Variants in TSPAN33 observed in about 807,000 individuals in gnomAD.
TSPAN33 encodes tetraspanin-33.
A neutral mutation model predicts 34.8 loss-of-function variants in TSPAN33; 27 were observed. That is an observed-to-expected ratio of 0.78 (90% CI 0.57 to 1.07). The LOEUF (loss-of-function observed/expected upper bound fraction) is 1.07. Among genes scored for constraint, TSPAN33 ranks in the 50% least tolerant of loss-of-function variants. The pLI, the probability that TSPAN33 is intolerant of heterozygous loss-of-function variation, is 0.00. For missense variants in TSPAN33, 272 were observed against 324.9 expected, an observed-to-expected ratio of 0.84 and a Z score of 1.25; for synonymous variants, 119 against 124.2, an observed-to-expected ratio of 0.96 and a Z score of 0.28.
chr7:129,151,816 T>A (rs1408594329), intron 1 of TSPAN33, among the ~76,000 whole-genome samples: 1 of 152,184 alleles, frequency 6.6e-6, no homozygotes, highest in African/African-American at 2.4e-5. Context: ...ATTTAGAGTA[T>A]GCCTGCGTTG....
In TSPAN33 at chr7:129,149,284, G is replaced by A. The variant is rs1334759844; in HGVS notation, c.102+4202G>A. Reference sequence around the variant, plus strand: ...TAAAAAGGAAAAAAGAAGGCTGGGCGCGGTGGCTCATGCCTGTAATCCCAG... The same window carrying A: ...TAAAAAGGAAAAAAGAAGGCTGGGCACGGTGGCTCATGCCTGTAATCCCAG... On this transcript the variant is annotated intron_variant, in intron 1 of 7. Transcript: ENST00000486685. Among the ~76,000 whole-genome samples, 3 of 152,178 alleles carry A rather than the reference G, an allele frequency of 2.0e-5. No homozygotes were observed. In the East Asian group the frequency reaches 5.8e-4, roughly 29 times the overall value.
At chr7:129,154,632 T>C (rs1276090161) in intron 1 of TSPAN33, among the ~76,000 whole-genome samples, 2 of 152,132 alleles carry the variant, frequency 1.3e-5, no homozygotes, top group Non-Finnish European at 2.9e-5. Flanking sequence ...TCCCAGCTAC[T>C]TGGGAGGCTG....
intron 4 of TSPAN33, among the ~76,000 whole-genome samples, chr7:129,163,454 T>C (rs186293689): frequency 1.4e-4 from 21 of 151,632 alleles, no homozygotes; most frequent in Non-Finnish European, 2.4e-4. Flanking sequence ...CTCCTAAGTC[T>C]CTGGGATTAC....
intron 1 of TSPAN33, among the ~76,000 whole-genome samples, chr7:129,153,221 C>T (rs1258107260): frequency 6.6e-6 from 1 of 151,972 alleles, no homozygotes; most frequent in East Asian, 1.9e-4. Flanking sequence ...TTACCAGGGG[C>T]TGGGGGCGGA....
intron 1 of TSPAN33, among the ~76,000 whole-genome samples, chr7:129,152,790 G>C (rs925489009): frequency 3.3e-5 from 5 of 152,020 alleles, no homozygotes; most frequent in African/African-American, 1.2e-4. Context: ...GAACGCGGGT[G>C]GCTCACACCT....
chr7:129,157,417 A>C (rs936388441), intron 1 of TSPAN33, among the ~76,000 whole-genome samples: 1 of 152,130 alleles, frequency 6.6e-6, no homozygotes, highest in African/African-American at 2.4e-5. Context: ...GAAATGCAGA[A>C]TTTGAGAGCT....
intron 5 of TSPAN33, chr7:129,166,368 A>C (rs1793139466): frequency 1.3e-5 from 2 of 155,206 alleles, no homozygotes; most frequent in African/African-American, 4.8e-5. Flanking sequence ...CACAATATTG[A>C]AGATTCCTCC....
At position 129,167,716 on chromosome 7, in the gene TSPAN33, G is replaced by C. The variant is rs1793163503; in HGVS notation, c.751-57G>C. On this transcript the variant is annotated intron_variant, in intron 7 of 7. Transcript: ENST00000486685. The surrounding 1 kb of genome is among the most constrained non-coding windows in gnomAD (Gnocchi z 4.6). ...TGGCCGCACTGGGAAGATCGAGCCA[G>C]GGAAAACAAGGCCATCACTCACTGC... 2 of 1,596,090 alleles carry C rather than the reference G, an allele frequency of 1.3e-6. No homozygotes were observed. Among genetic ancestry groups the C allele is most frequent in the Admixed American group, 1.7e-5 (1 of 59,824 alleles).
intron 1 of TSPAN33, among the ~76,000 whole-genome samples, chr7:129,151,838 G>T (rs1332288946): frequency 6.6e-6 from 1 of 152,088 alleles, no homozygotes; most frequent in African/African-American, 2.4e-5. Context: ...TTTATGAAAC[G>T]CAGAGACATA....
rs60037093 is a variant in TSPAN33, at chr7:129,149,704, A to G, written c.102+4622A>G. ...TCCTCTTTCTTAACCTTGGAAGAAC[A>G]AAGCCAGCCGTGGCCTGAGGAAGAT... is the stretch of plus-strand genomic sequence containing the variant. On this transcript the variant is annotated intron_variant, in intron 1 of 7. Transcript: ENST00000486685. 2.8e-3 allele frequency among the ~76,000 whole-genome samples: 429 copies of G among 152,342 alleles called. 8 individuals carry two copies. The highest frequency in any genetic ancestry group is 9.9e-3 in the African/African-American group (412 of 41,580).
chr7:129,145,321 G>A (rs1810505486), intron 1 of TSPAN33, among the ~76,000 whole-genome samples: 1 of 152,128 alleles, frequency 6.6e-6, no homozygotes, highest in South Asian at 2.1e-4. Flanking sequence ...GGCGTCGGAG[G>A]AGGGTCTGTG....
intron 1 of TSPAN33, among the ~76,000 whole-genome samples, 163 bp downstream of exon 1, chr7:129,145,245 C>T (rs1294389190): frequency 6.6e-6 from 1 of 151,912 alleles, no homozygotes; most frequent in Non-Finnish European, 1.5e-5. Flanking sequence ...GACGCCGCGT[C>T]TGCAGGGGGC....
intron 5 of TSPAN33, 139 bp from the exon 6 acceptor site, chr7:129,166,639 A>G (rs1357178349): frequency 4.0e-6 from 4 of 1,010,620 alleles, no homozygotes; most frequent in Non-Finnish European, 5.7e-6. Context: ...CTGGAGCTCA[A>G]AGTTTAAGGC....
In TSPAN33 at chr7:129,148,332, A is replaced by T. The variant is rs1319934296; in HGVS notation, c.102+3250A>T. Among the ~76,000 whole-genome samples the T allele has an allele frequency of 6.6e-6, 1 of 151,918 alleles. No individual in the cohort carries two copies. The highest frequency in any genetic ancestry group is 1.9e-4 in the East Asian group (1 of 5,184). Reference sequence around the variant, plus strand: ...GCACCTTCTGTATTCTTCTATTGTCACATCCCTTACCTGTGCTGCAATTGT... The same window carrying T: ...GCACCTTCTGTATTCTTCTATTGTCTCATCCCTTACCTGTGCTGCAATTGT... On this transcript the variant is annotated intron_variant, in intron 1 of 7. Transcript: ENST00000486685. This position sits in a 1 kb window ranked among gnomAD's most constrained non-coding sequence, Gnocchi z 4.2.
At position 129,162,467 on chromosome 7, in the gene TSPAN33, C is replaced by T; in HGVS notation, c.234C>T (p.Leu78=). Residue 78 remains leucine, a synonymous_variant, in exon 3 of 8, where the codon CTC becomes CTT. Coordinates refer to ENST00000486685, the MANE Select transcript of TSPAN33 (RefSeq NM_178562.5). ...TGGTGGGTGTCCTCATGTTCCTGCTCACCTTCTGTGGCTGCATTGGGTCCC... is the reference window on the plus strand; with the variant it reads ...TGGTGGGTGTCCTCATGTTCCTGCTTACCTTCTGTGGCTGCATTGGGTCCC... ...LIVVGVLMFL[L]TFCGCIGSLR... The T allele has an allele frequency of 6.2e-7, 1 of 1,613,994 alleles. No homozygotes were observed. Among genetic ancestry groups the T allele is most frequent in the Non-Finnish European group, 8.5e-7 (1 of 1,180,040 alleles).
rs769441046 is a variant in TSPAN33, at chr7:129,167,507, C to T, written c.697C>T (p.His233Tyr). Reference protein sequence around the residue: ...GCIDKLVNWIHSNLFLLGGVA... With the variant: ...GCIDKLVNWIYSNLFLLGGVA... ...TATTGACAAGTTGGTCAACTGGATA[C>T]ACAGCAACCTATTCTTACTTGGTGG... Residue 233 changes from histidine (H) to tyrosine (Y), a missense_variant, in exon 7 of 8, where the codon CAC (histidine) becomes TAC (tyrosine). Physicochemically the swap from His to Tyr is moderately conservative, Grantham distance 83. Coordinates refer to ENST00000486685, the MANE Select transcript of TSPAN33 (RefSeq NM_178562.5). This position sits in a 1 kb window ranked among gnomAD's most constrained non-coding sequence, Gnocchi z 4.6. The T allele has an allele frequency of 5.0e-6, 8 of 1,614,090 alleles. No homozygotes were observed. The African/African-American group carries it at 8.0e-5, about 16-fold the overall frequency.
chr7:129,149,312 C>T (rs1320105620), intron 1 of TSPAN33, among the ~76,000 whole-genome samples: 1 of 152,166 alleles, frequency 6.6e-6, no homozygotes, highest in Non-Finnish European at 1.5e-5. Context: ...AATCCCAGCA[C>T]TTTGGGAGGC....
chr7:129,153,380 T>G (rs1393427284), intron 1 of TSPAN33, among the ~76,000 whole-genome samples: 2 of 152,206 alleles, frequency 1.3e-5, no homozygotes, highest in Non-Finnish European at 2.9e-5. Flanking sequence ...CTTTAAAATG[T>G]CTAAAATGGT....
At chr7:129,146,461 T>C (rs772227688) in intron 1 of TSPAN33, among the ~76,000 whole-genome samples, 1 of 152,226 alleles carries the variant, frequency 6.6e-6, no homozygotes, top group African/African-American at 2.4e-5. Flanking sequence ...ACAGAGATGT[T>C]AAATGTTTTG....
Sources: allele counts gnomAD v4.1 joint callset (sites outside exome capture counted in the v4.1 genomes callset), GRCh38; gene constraint gnomAD v4.1.1; non-coding constraint Gnocchi (gnomAD v3.1); transcripts MANE v1.5; gene names NCBI Gene and HGNC (gene_info 2026-07-23, HGNC 2026-07-21).